Variants in CSGALNACT2 observed in about 807,000 individuals in gnomAD.
CSGALNACT2 encodes the protein chondroitin sulfate N-acetylgalactosaminyltransferase 2.
CSGALNACT2 carries 35 observed loss-of-function variants against 55.3 expected under a neutral mutation model. The ratio of observed to expected loss-of-function variants is 0.63; its 90% confidence interval spans 0.48 to 0.84. CSGALNACT2 has a LOEUF of 0.84. Ranked by LOEUF, CSGALNACT2 falls within the 40% of genes least tolerant of loss-of-function variation. The pLI is 0.00. For missense variants in CSGALNACT2, 544 were observed against 657.5 expected, an observed-to-expected ratio of 0.83 and a Z score of 1.89; for synonymous variants, 196 against 224.9, an observed-to-expected ratio of 0.87 and a Z score of 1.15.
At position 43,155,443 on chromosome 10, in the gene CSGALNACT2, A is replaced by G; in HGVS notation, c.294A>G (p.Glu98=). The G allele has an allele frequency of 6.2e-7, 1 of 1,614,250 alleles. No individual in the cohort carries two copies. Among genetic ancestry groups the G allele is most frequent in the East Asian group, 2.2e-5 (1 of 44,894 alleles). The part of the protein sequence containing the change: ...EMSEKMRSLQ[E]RRNVGANGIG... The stretch of plus-strand genomic sequence containing the variant: ...GTGAGAAGATGCGGTCACTGCAAGA[A>G]AGAAGGAATGTAGGGGCTAATGGCA... Residue 98 remains glutamate (E), a synonymous_variant, in exon 2 of 8, where the codon GAA becomes GAG. Coordinates refer to ENST00000374466, the MANE Select transcript of CSGALNACT2 (RefSeq NM_018590.5).
Position 43,175,954 on chromosome 10 carries a change from C to T in CSGALNACT2, c.1258C>T (p.His420Tyr). 6.3e-7 allele frequency: 1 copy of T among 1,593,674 alleles called. No individual in the cohort carries two copies. Among genetic ancestry groups the T allele is most frequent in the Non-Finnish European group, 8.5e-7 (1 of 1,173,324 alleles). ...VPPPVEQQLV[H>Y]KKDSGFWRDF... The stretch of plus-strand genomic sequence containing the variant: ...TGTTTTTTTTTTTTTAACTAAGGTT[C>T]ACAAAAAGGATTCTGGCTTTTGGCG... Residue 420 changes from histidine to tyrosine, a missense_variant, in exon 7 of 8, where the codon CAC becomes TAC. This residue lies in a region of CSGALNACT2 where 170 missense variants were observed against 256.2 expected (regional missense o/e 0.66). Transcript: ENST00000374466.
intron 7 of CSGALNACT2, among the ~76,000 whole-genome samples, 165 bp from the exon 8 acceptor site, chr10:43,183,085 G>T (rs1369364605): frequency 3.3e-5 from 5 of 152,072 alleles, no homozygotes; most frequent in Admixed American, 3.3e-4. Flanking sequence ...CTCAAAACTG[G>T]ACTTCCGGTG....
At chr10:43,168,763 A>G (rs1018560086) in intron 6 of CSGALNACT2, among the ~76,000 whole-genome samples, 1 of 152,158 alleles carries the variant, frequency 6.6e-6, no homozygotes, top group South Asian at 2.1e-4. Context: ...AATAGGTTCA[A>G]AATGGCAAAC....
intron 7 of CSGALNACT2, among the ~76,000 whole-genome samples, chr10:43,181,659 T>A (rs1839590991): frequency 6.6e-6 from 1 of 151,142 alleles, no homozygotes; most frequent in African/African-American, 2.4e-5. Flanking sequence ...GAACTTGTGG[T>A]CCCACTTACT....
chr10:43,141,351 G>A (rs2133084770), intron 1 of CSGALNACT2, among the ~76,000 whole-genome samples: 1 of 151,914 alleles, frequency 6.6e-6, no homozygotes, highest in East Asian at 1.9e-4. Context: ...CCGAGTAGCT[G>A]GGACTACAGG....
At chr10:43,175,416 AT>A (rs964346858) in intron 6 of CSGALNACT2, among the ~76,000 whole-genome samples, 7 of 151,556 alleles carry the variant, frequency 4.6e-5, no homozygotes, top group Non-Finnish European at 1.0e-4. Flanking sequence ...ACTTGGCCTG[AT>A]TTTTTTTTAA....
At chr10:43,154,166 C>A (rs1838943130) in intron 1 of CSGALNACT2, among the ~76,000 whole-genome samples, 1 of 152,176 alleles carries the variant, frequency 6.6e-6, no homozygotes, top group South Asian at 2.1e-4. Context: ...TCTCTCTCTC[C>A]AGTAAACCGT....
At chr10:43,149,794 G>A (rs1009453657) in intron 1 of CSGALNACT2, among the ~76,000 whole-genome samples, 1 of 152,296 alleles carries the variant, frequency 6.6e-6, no homozygotes, top group South Asian at 2.1e-4. Context: ...TAGGCTGGGT[G>A]TGGTGGCTCA....
intron 6 of CSGALNACT2, among the ~76,000 whole-genome samples, chr10:43,172,105 G>C (rs550980993): frequency 6.6e-6 from 1 of 152,296 alleles, no homozygotes; most frequent in Admixed American, 6.5e-5. Flanking sequence ...TCATCCCTCT[G>C]ATCCAGTAAT....
chr10:43,162,697 G>A, intron 4 of CSGALNACT2: 1 of 985,000 alleles, frequency 1.0e-6, no homozygotes, highest in Non-Finnish European at 1.2e-6. Flanking sequence ...CCCTAGTGCA[G>A]TGAGTGATTC....
At chr10:43,164,412 C>T (rs942554901) in intron 5 of CSGALNACT2, among the ~76,000 whole-genome samples, 2 of 152,180 alleles carry the variant, frequency 1.3e-5, no homozygotes, top group African/African-American at 4.8e-5. Flanking sequence ...GGGCATATAG[C>T]GTCCACACAT....
rs55905621 is a variant in CSGALNACT2 at position 43,183,511 on chromosome 10, C to G, written c.1598C>G (p.Ala533Gly). 1 of 1,613,996 alleles carries G rather than the reference C, an allele frequency of 6.2e-7. No homozygotes were observed. The highest frequency in any genetic ancestry group is 1.3e-5 in the African/African-American group (1 of 74,918). ...ATAGAGACGCATCTTCATAAACAGG[C>G]ATACAGGACAAACAGTGAAGCTGTT... ...EEIETHLHKQ[A>G]YRTNSEAVG Residue 533 changes from alanine (A) to glycine (G), a missense_variant, in exon 8 of 8, where the codon GCA (alanine) becomes GGA (glycine). Physicochemically the swap from Ala to Gly is moderately conservative, Grantham distance 60. Transcript: ENST00000374466.
intron 5 of CSGALNACT2, 140 bp downstream of exon 5, chr10:43,164,184 A>C (rs1839211654): frequency 1.5e-6 from 1 of 649,648 alleles, no homozygotes; most frequent in Non-Finnish European, 2.5e-6. Context: ...GGCATAATTT[A>C]ACTGGAATAC....
intron 4 of CSGALNACT2, chr10:43,162,618 C>G (rs1015702333): frequency 3.0e-6 from 3 of 985,430 alleles, no homozygotes; most frequent in African/African-American, 3.5e-5. Flanking sequence ...TGTTCCATCT[C>G]TCCATTACCC....
At chr10:43,178,449 T>C (rs929236174) in intron 7 of CSGALNACT2, among the ~76,000 whole-genome samples, 8 of 151,974 alleles carry the variant, frequency 5.3e-5, no homozygotes, top group African/African-American at 7.2e-5. Flanking sequence ...GGTAAAACCC[T>C]GTCTCTACTA....
chr10:43,160,845 G>A (rs577750076), intron 4 of CSGALNACT2, among the ~76,000 whole-genome samples: 1 of 152,162 alleles, frequency 6.6e-6, no homozygotes, highest in East Asian at 1.9e-4. Flanking sequence ...TGTATTTGCT[G>A]CTGCTTTCCT....
At chr10:43,160,616 G>T in intron 4 of CSGALNACT2, 21 bp downstream of exon 4, 2 of 1,005,684 alleles carry the variant, frequency 2.0e-6, no homozygotes, top group Non-Finnish European at 3.2e-6. Flanking sequence ...CACATCTGCA[G>T]TGAAGGCCTT....
At chr10:43,142,358 C>T (rs1010908173) in intron 1 of CSGALNACT2, among the ~76,000 whole-genome samples, 1 of 152,024 alleles carries the variant, frequency 6.6e-6, no homozygotes, top group East Asian at 1.9e-4. Flanking sequence ...ATTACAGGTG[C>T]ATGCCACCAT....
intron 4 of CSGALNACT2, chr10:43,163,482 A>G (rs1018216708): frequency 2.0e-6 from 2 of 982,810 alleles, no homozygotes; most frequent in African/African-American, 3.5e-5. Flanking sequence ...ACATGTGTGC[A>G]AAGACCTAAC....
Sources: gnomAD v4.1 joint callset for allele counts (sites outside exome capture counted in the v4.1 genomes callset) on GRCh38, gnomAD v4.1.1 for gene constraint, gnomAD v4.1.1 regional missense constraint, MANE v1.5 for transcripts, NCBI Gene and HGNC (gene_info 2026-07-23, HGNC 2026-07-21) for gene names.